SLIT2: variants seen among roughly 807,000 people sequenced by gnomAD.
The protein encoded by SLIT2 is slit homolog 2 protein.
Under a neutral mutation model 185.7 loss-of-function variants are expected in SLIT2, and 41 were observed. That is an observed-to-expected ratio of 0.22 (90% CI 0.17 to 0.29). The LOEUF (loss-of-function observed/expected upper bound fraction) is 0.29. SLIT2 is among the 10% of genes least tolerant of loss of function. The pLI is 1.00. For synonymous variants in SLIT2, 693 were observed against 680.2 expected, an observed-to-expected ratio of 1.02 and a Z score of -0.29; for missense variants, 1,571 against 1,909.0, an observed-to-expected ratio of 0.82 and a Z score of 3.30.
At chr4:20,489,025 C>T (rs753395820) in intron 8 of SLIT2, 43 bp downstream of exon 8, 2 of 1,529,966 alleles carry the variant, frequency 1.3e-6, no homozygotes, top group East Asian at 2.3e-5. Flanking sequence ...TTATTGTATC[C>T]TGTTATGTAA....
chr4:20,326,451 C>A (rs76744796), intron 4 of SLIT2, among the ~76,000 whole-genome samples: 9,571 of 152,042 alleles, frequency 0.063, 312 homozygotes, highest in Admixed American at 0.081. Context: ...TGTACCAAAT[C>A]CCATATGGAT....
chr4:20,366,910 A>G (rs1287359564), intron 4 of SLIT2, among the ~76,000 whole-genome samples: 1 of 151,846 alleles, frequency 6.6e-6, no homozygotes, highest in Non-Finnish European at 1.5e-5. Context: ...TGATCCTCCA[A>G]CCTCAGCCTC....
chr4:20,310,598 A>G (rs2109133418), intron 4 of SLIT2, among the ~76,000 whole-genome samples: 1 of 152,288 alleles, frequency 6.6e-6, no homozygotes, highest in South Asian at 2.1e-4. Context: ...TTACATTGGT[A>G]CTAAATGGAC....
chr4:20,595,737 A>G lies in SLIT2; in HGVS notation c.3223A>G (p.Ile1075Val), dbSNP rs181607339. ...TPGYVGEHCD[I>V]DFDDCQDNKC... ...AGGGTACGTAGGTGAACACTGCGAC[A>G]TCGATTTTGACGACTGCCAAGACAA... The change falls in exon 31 of 37, where the codon ATC becomes GTC. Residue 1075 changes from isoleucine (I) to valine (V), a missense_variant. By Grantham distance (29) the Ile-to-Val change is conservative (BLOSUM62 3). Coordinates refer to ENST00000504154, the MANE Select transcript of SLIT2 (RefSeq NM_004787.4). 3 of 1,614,164 alleles carry G rather than the reference A, an allele frequency of 1.9e-6. No individual in the cohort carries two copies. In the African/African-American group the frequency reaches 4.0e-5, roughly 22 times the overall value.
intron 25 of SLIT2, 56 bp downstream of exon 25, chr4:20,550,954 C>A: frequency 1.1e-6 from 1 of 924,686 alleles, no homozygotes; most frequent in African/African-American, 1.6e-5. Flanking sequence ...TAATGAGTGA[C>A]TTGGAACATT....
intron 4 of SLIT2, among the ~76,000 whole-genome samples, chr4:20,318,784 T>C (rs1466095192): frequency 6.6e-6 from 1 of 152,132 alleles, no homozygotes; most frequent in Non-Finnish European, 1.5e-5. Flanking sequence ...AAATGGTAAA[T>C]TAGCTAAGAG....
intron 4 of SLIT2, among the ~76,000 whole-genome samples, chr4:20,348,098 G>A (rs933755831): frequency 2.0e-5 from 3 of 152,112 alleles, no homozygotes; most frequent in Admixed American, 6.6e-5. Context: ...ATGTATTTAC[G>A]TATTTATTTA....
chr4:20,497,128 T>C (rs1022113653), intron 9 of SLIT2, among the ~76,000 whole-genome samples: 1 of 151,992 alleles, frequency 6.6e-6, no homozygotes, highest in African/African-American at 2.4e-5. Context: ...ATTATGGAGC[T>C]ATATTAATTT....
chr4:20,454,505 A>G (rs1411427696), intron 4 of SLIT2, among the ~76,000 whole-genome samples: 1 of 152,212 alleles, frequency 6.6e-6, no homozygotes, highest in Non-Finnish European at 1.5e-5. Context: ...TAAAGTTAAA[A>G]TCTGGCAAAT....
Position 20,617,637 on chromosome 4 carries a change from C to T in SLIT2, c.4335C>T (p.Asp1445=), listed in dbSNP as rs763090491. 3 of 1,609,062 alleles carry T rather than the reference C, an allele frequency of 1.9e-6. No individual in the cohort carries two copies. The highest frequency in any genetic ancestry group is 3.4e-5 in the Admixed American group (2 of 59,620). Reference sequence around the variant, plus strand: ...AATGCAGCAGTGGATACACGGGGGACAGCTGTGATCGAGGTAAGCCAGCCC... The same window carrying T: ...AATGCAGCAGTGGATACACGGGGGATAGCTGTGATCGAGGTAAGCCAGCCC... ...YCECSSGYTG[D]SCDREISCRG... The change falls in exon 36 of 37, where the codon GAC becomes GAT. Residue 1445 remains aspartate, a synonymous_variant. Coordinates refer to ENST00000504154, the MANE Select transcript of SLIT2 (RefSeq NM_004787.4).
At chr4:20,617,735 A>G (rs1470479178) in intron 36 of SLIT2, 85 bp downstream of exon 36, 5 of 277,310 alleles carry the variant, frequency 1.8e-5, no homozygotes, top group Non-Finnish European at 2.0e-5. Flanking sequence ...GAAAAAGTGA[A>G]AAAAAAAAAA....
intron 4 of SLIT2, among the ~76,000 whole-genome samples, chr4:20,405,145 C>A (rs1726680383): frequency 6.6e-6 from 1 of 151,772 alleles, no homozygotes; most frequent in East Asian, 1.9e-4. Context: ...CTTGGGTTGG[C>A]AGTTGTGATG....
At chr4:20,465,457 C>T (rs940976301) in intron 4 of SLIT2, among the ~76,000 whole-genome samples, 1 of 152,178 alleles carries the variant, frequency 6.6e-6, no homozygotes, top group Non-Finnish European at 1.5e-5. Flanking sequence ...ACATGGCCCA[C>T]TTAACTGAAG....
intron 4 of SLIT2, among the ~76,000 whole-genome samples, chr4:20,372,998 C>T (rs1723724459): frequency 6.6e-6 from 1 of 152,030 alleles, no homozygotes; most frequent in African/African-American, 2.4e-5. Context: ...TTCTCATTAC[C>T]TACTCAGTTA....
intron 8 of SLIT2, among the ~76,000 whole-genome samples, chr4:20,490,274 T>G (rs1577770646): frequency 6.6e-6 from 1 of 152,342 alleles, no homozygotes; most frequent in East Asian, 1.9e-4. Flanking sequence ...ATATTATCTC[T>G]ATATTTGGAG....
intron 10 of SLIT2, 122 bp downstream of exon 10, chr4:20,510,688 CT>C (rs1719621388): frequency 3.3e-6 from 2 of 613,206 alleles, no homozygotes; most frequent in Admixed American, 2.8e-5. Flanking sequence ...AGTGATGTGA[CT>C]GTCTGATTAC....
At chr4:20,335,092 T>C (rs943456103) in intron 4 of SLIT2, among the ~76,000 whole-genome samples, 4 of 152,184 alleles carry the variant, frequency 2.6e-5, no homozygotes, top group African/African-American at 9.6e-5. Context: ...GAGCACAGTG[T>C]TACCAAAGCC....
At chr4:20,519,827 T>A (rs1452031055) in intron 12 of SLIT2, among the ~76,000 whole-genome samples, 2 of 151,494 alleles carry the variant, frequency 1.3e-5, no homozygotes, top group Admixed American at 6.6e-5. Context: ...GGTCAGGAGA[T>A]CCAGACCATC....
chr4:20,279,343 T>C (rs927534900), intron 4 of SLIT2, among the ~76,000 whole-genome samples: 3 of 152,226 alleles, frequency 2.0e-5, no homozygotes, highest in Admixed American at 6.5e-5. Context: ...AGATCTACCG[T>C]ATCTCAAGCA....
Sources: allele counts gnomAD v4.1 joint callset (sites outside exome capture counted in the v4.1 genomes callset), GRCh38; gene constraint gnomAD v4.1.1; transcripts MANE v1.5; gene names NCBI Gene and HGNC (gene_info 2026-07-23, HGNC 2026-07-21).